STAU2: variants seen among roughly 807,000 people sequenced by gnomAD.
The protein encoded by STAU2 is double-stranded RNA-binding protein Staufen homolog 2.
In STAU2, 20 loss-of-function variants were observed where a neutral mutation model predicts 65.9. That is an observed-to-expected ratio of 0.30 (90% CI 0.21 to 0.44). The LOEUF is 0.44. Among genes scored for constraint, STAU2 ranks in the 20% least tolerant of loss-of-function variants. The probability of loss-of-function intolerance (pLI) is 1.00; values close to 1 mark genes in which losing one functional copy is unlikely to be tolerated. For missense variants in STAU2, 558 were observed against 683.9 expected, an observed-to-expected ratio of 0.82 and a Z score of 2.05; for synonymous variants, 232 against 233.9, an observed-to-expected ratio of 0.99 and a Z score of 0.07.
intron 6 of STAU2, chr8:73,653,984 A>G: frequency 3.5e-6 from 1 of 282,734 alleles, no homozygotes. Context: ...AGGAAGAGGG[A>G]AGGGGAGGGA....
At chr8:73,624,792 C>G (rs951431802) in intron 6 of STAU2, among the ~76,000 whole-genome samples, 2 of 152,194 alleles carry the variant, frequency 1.3e-5, no homozygotes. Flanking sequence ...CAACTTAAGT[C>G]TCTCTAGATG....
chr8:73,594,507 T>C (rs1811044621), intron 11 of STAU2, among the ~76,000 whole-genome samples: 1 of 152,210 alleles, frequency 6.6e-6, no homozygotes, highest in African/African-American at 2.4e-5. Context: ...AAATAATGTC[T>C]ACATATCCAC....
intron 14 of STAU2, 40 bp from the exon 15 acceptor site, chr8:73,421,505 G>T: frequency 1.3e-6 from 2 of 1,527,714 alleles, no homozygotes; most frequent in South Asian, 2.4e-5. Flanking sequence ...AAGGCCTGGG[G>T]TTGCACATCT....
chr8:73,663,317 T>C (rs752698033), intron 6 of STAU2, among the ~76,000 whole-genome samples: 123 of 152,184 alleles, frequency 8.1e-4, no homozygotes, highest in Non-Finnish European at 1.4e-3. Flanking sequence ...TTGATGTTTT[T>C]CCAACCACTT....
At chr8:73,569,747 C>T (rs1563428930) in intron 12 of STAU2, among the ~76,000 whole-genome samples, 1 of 152,154 alleles carries the variant, frequency 6.6e-6, no homozygotes, top group African/African-American at 2.4e-5. Context: ...AGCTAAGGGT[C>T]CTGACTGTTG....
Position 73,551,982 on chromosome 8 carries a change from T to C in STAU2, c.1530+30A>G, listed in dbSNP as rs776137246. The C allele has an allele frequency of 3.2e-5, 48 of 1,523,404 alleles. 1 individual carries two copies. The South Asian group carries it at 3.9e-4, about 12-fold the overall frequency. The allele number at this position is 1,523,404 out of a possible 1,614,324, so 94.4% of individuals were successfully genotyped here. A position where few individuals can be genotyped will look rare whatever the true frequency, so the allele number is the denominator to read the frequency against. On this transcript the variant is annotated intron_variant, in intron 13 of 14. Transcript: ENST00000524300. ...AAGAATCTGAGGCTAATGAATTGTT[T>C]TGTTTTTTGTTTTTGCTTTTAATTC...
chr8:73,518,699 C>G (rs1265741556), intron 13 of STAU2, among the ~76,000 whole-genome samples: 1 of 152,166 alleles, frequency 6.6e-6, no homozygotes, highest in Non-Finnish European at 1.5e-5. Flanking sequence ...CTCTTGTTTT[C>G]GTCCACAGTC....
At chr8:73,653,247 G>A (rs1461251609) in intron 6 of STAU2, 1 of 152,138 alleles carries the variant, frequency 6.6e-6, no homozygotes, top group African/African-American at 2.4e-5. Flanking sequence ...TATCTCATGA[G>A]GCTTGTAATA....
intron 13 of STAU2, among the ~76,000 whole-genome samples, chr8:73,538,526 G>T (rs1395725728): frequency 6.6e-6 from 1 of 151,978 alleles, no homozygotes; most frequent in Non-Finnish European, 1.5e-5. Flanking sequence ...GAAAAACAAA[G>T]TCAGTGGGGC....
At chr8:73,698,823 C>T (rs964224341) in intron 4 of STAU2, among the ~76,000 whole-genome samples, 14 of 151,112 alleles carry the variant, frequency 9.3e-5, no homozygotes, top group African/African-American at 3.2e-4. Context: ...GATATTTACA[C>T]ATTTCATCCA....
At chr8:73,527,849 G>A (rs1236421554) in intron 13 of STAU2, 2 of 1,245,494 alleles carry the variant, frequency 1.6e-6, no homozygotes, top group Non-Finnish European at 1.1e-6. Flanking sequence ...TTTTCAGAGG[G>A]GACAAGATGC....
rs546713093 is a variant in STAU2, at chr8:73,538,347, G to A, written c.1530+13665C>T. On this transcript the variant is annotated intron_variant, in intron 13 of 14. Coordinates refer to ENST00000524300, the MANE Select transcript of STAU2 (RefSeq NM_001164380.2). ...CCTTTTTAAGGGCCATTTACAATAC[G>A]AAATAAAATCATTAGTGCTATGAAT... Among the ~76,000 whole-genome samples, 152 of 151,932 alleles carry A rather than the reference G, an allele frequency of 1.0e-3. 2 individuals are homozygous for A. Among genetic ancestry groups the A allele is most frequent in the Non-Finnish European group, 3.5e-4 (24 of 67,934 alleles).
intron 13 of STAU2, among the ~76,000 whole-genome samples, chr8:73,509,996 T>C (rs1000161667): frequency 5.9e-5 from 9 of 152,232 alleles, no homozygotes; most frequent in Non-Finnish European, 8.8e-5. Context: ...TAAAGGCCTC[T>C]ACAACTAGTT....
chr8:73,457,704 T>A (rs1469158956), intron 13 of STAU2, among the ~76,000 whole-genome samples: 1 of 152,262 alleles, frequency 6.6e-6, no homozygotes, highest in Non-Finnish European at 1.5e-5. Flanking sequence ...CTGACTCTCC[T>A]CTCCATTGAA....
intron 6 of STAU2, among the ~76,000 whole-genome samples, chr8:73,625,627 G>T (rs149463260): frequency 4.6e-5 from 7 of 152,118 alleles, no homozygotes; most frequent in African/African-American, 1.4e-4. Context: ...ATTAGACCAC[G>T]GTGATGGCTG....
chr8:73,677,757 A>AT (rs1429293934), intron 5 of STAU2, among the ~76,000 whole-genome samples: 2 of 152,168 alleles, frequency 1.3e-5, no homozygotes, highest in African/African-American at 4.8e-5. Flanking sequence ...TATAACTGTA[A>AT]TGTGCCCTTG....
chr8:73,462,613 G>GAGT (rs1819428165), intron 13 of STAU2, among the ~76,000 whole-genome samples: 1 of 151,426 alleles, frequency 6.6e-6, no homozygotes, highest in African/African-American at 2.4e-5. Context: ...GCCCAGGATG[G>GAGT]TCTTGAACTC....
At chr8:73,738,446 A>G in intron 2 of STAU2, 97 bp from the exon 3 acceptor site, 1 of 829,002 alleles carries the variant, frequency 1.2e-6, no homozygotes, top group South Asian at 1.8e-5. Context: ...CAAATATAAA[A>G]TGTAATTTAT....
At chr8:73,669,026 T>G in intron 6 of STAU2, 3 of 678,730 alleles carry the variant, frequency 4.4e-6, no homozygotes, top group Non-Finnish European at 5.3e-6. Flanking sequence ...AAGAAGCTAA[T>G]GATTAATCTG....
Sources: gnomAD v4.1 joint callset for allele counts (sites outside exome capture counted in the v4.1 genomes callset) on GRCh38, gnomAD v4.1.1 for gene constraint, MANE v1.5 for transcripts, NCBI Gene and HGNC (gene_info 2026-07-23, HGNC 2026-07-21) for gene names.